The following KLK6 variants were observed in gnomAD, a reference collection of about 807,000 sequenced individuals.
The protein encoded by KLK6 is kallikrein-6.
In KLK6, 16 loss-of-function variants were observed where a neutral mutation model predicts 21.7. That is an observed-to-expected ratio of 0.74 (90% CI 0.50 to 1.12). The LOEUF (loss-of-function observed/expected upper bound fraction) is 1.12, where lower values mean the gene tolerates loss of function less well. Ranked by LOEUF, KLK6 falls within the 50% of genes most tolerant of loss-of-function variation. The probability of loss-of-function intolerance (pLI) is 0.00; values close to 1 mark genes in which losing one functional copy is unlikely to be tolerated. For synonymous variants in KLK6, 116 were observed against 120.1 expected (o/e 0.97, Z 0.22); for missense variants, 276 against 304.6 (o/e 0.91, Z 0.70).
chr19:50,966,979 C>T lies in KLK6; in HGVS notation c.197+190G>A, dbSNP rs368430762. On this transcript the variant is annotated intron_variant, in intron 4 of 6. Coordinates refer to ENST00000310157, the MANE Select transcript of KLK6 (RefSeq NM_002774.4). ...TTTTTTGTTTTCTTTTTTTTATTTT[C>T]TTTTCCACTGCTATGCCCGCAGGGC... Among the ~76,000 whole-genome samples the T allele has an allele frequency of 5.9e-5, 9 of 151,602 alleles. 1 individual carries two copies. Among genetic ancestry groups the T allele is most frequent in the African/African-American group, 2.2e-4 (9 of 41,274 alleles).
intron 4 of KLK6, 150 bp from the exon 5 acceptor site, chr19:50,963,699 T>A: frequency 1.2e-6 from 1 of 816,952 alleles, no homozygotes; most frequent in South Asian, 1.8e-5. Context: ...CAGAATAATC[T>A]TGGGGGCTAT....
chr19:50,969,236 G>A (rs1432184315), intron 1 of KLK6, among the ~76,000 whole-genome samples: 1 of 152,108 alleles, frequency 6.6e-6, no homozygotes, highest in South Asian at 2.1e-4. Context: ...GAGGGAGGAG[G>A]GGCTGGGGCC....
intron 6 of KLK6, among the ~76,000 whole-genome samples, chr19:50,960,804 G>T (rs2090829900): frequency 6.6e-6 from 1 of 151,430 alleles, no homozygotes; most frequent in South Asian, 2.1e-4. Context: ...TTGCTCTGTT[G>T]CCAGGCTGGA....
At position 50,958,845 on chromosome 19, in the gene KLK6, G is replaced by C. The variant is rs894689031; in HGVS notation, c.*319C>G. The C allele has an allele frequency of 3.0e-6, 1 of 330,530 alleles. No individual in the cohort carries two copies. Among genetic ancestry groups the C allele is most frequent in the African/African-American group, 2.1e-5 (1 of 47,646 alleles). 20.5% of individuals were successfully genotyped at this position (330,530 alleles called of 1,614,324 possible). Reference sequence around the variant, plus strand: ...GCAGCGGAGCTGGGATTCCAGACACGTGGCTGGGCCTCTGCAGGAAGAAAT... The same window carrying C: ...GCAGCGGAGCTGGGATTCCAGACACCTGGCTGGGCCTCTGCAGGAAGAAAT... On this transcript the variant is annotated 3_prime_UTR_variant, in exon 7 of 7. Transcript: ENST00000310157.
rs2090758683 is a variant in KLK6 at position 50,958,870 on chromosome 19, T to C, written c.*294A>G. 2.6e-6 allele frequency: 1 copy of C among 385,734 alleles called. No homozygotes were observed. Among genetic ancestry groups the C allele is most frequent in the African/African-American group, 2.0e-5 (1 of 48,900 alleles). The allele number at this position is 385,734 out of a possible 1,614,324, so 23.9% of individuals were successfully genotyped here. ...GTGGCTGGGCCTCTGCAGGAAGAAA[T>C]CAAACGTGTGGAAGGGTTGGGGAGA... On this transcript the variant is annotated 3_prime_UTR_variant, in exon 7 of 7. Transcript: ENST00000310157.
intron 4 of KLK6, among the ~76,000 whole-genome samples, chr19:50,965,558 G>A (rs12975252): frequency 6.6e-6 from 1 of 152,038 alleles, no homozygotes; most frequent in African/African-American, 2.4e-5. Context: ...GATTACAGGC[G>A]TGAGCCACCA....
intron 2 of KLK6, 61 bp from the exon 3 acceptor site, chr19:50,968,173 T>A: frequency 7.0e-7 from 1 of 1,423,252 alleles, no homozygotes; most frequent in Non-Finnish European, 9.9e-7. Flanking sequence ...CATCCCTCTG[T>A]CTGCTCCCTC....
chr19:50,963,074 C>T (rs1254633822), intron 5 of KLK6, among the ~76,000 whole-genome samples: 1 of 152,188 alleles, frequency 6.6e-6, no homozygotes, highest in Admixed American at 6.5e-5. Flanking sequence ...CTCTCCCATG[C>T]TATTCACCCA....
chr19:50,968,093 CA>C lies in KLK6; in HGVS notation c.11del (p.Leu4ArgfsTer5). The part of the protein sequence containing the change: MKK[L>X]MVVLSLIAAA... ...CAGCAATCAGACTCAGCACCACCAT[CA>C]GCTTCTTCATGGCCGCTCCTGAGAG... is the stretch of plus-strand genomic sequence containing the variant. On this transcript the variant is annotated frameshift_variant, in exon 3 of 7. Transcript: ENST00000310157. LOFTEE classifies it high-confidence loss of function. The C allele has an allele frequency of 6.2e-7, 1 of 1,614,090 alleles. No homozygotes were observed. The highest frequency in any genetic ancestry group is 8.5e-7 in the Non-Finnish European group (1 of 1,179,994).
At chr19:50,959,457 G>C (rs1457465919) in intron 6 of KLK6, 141 bp from the exon 7 acceptor site, 2 of 720,134 alleles carry the variant, frequency 2.8e-6, no homozygotes, top group African/African-American at 3.6e-5. Flanking sequence ...GAAAGATGGA[G>C]AGAAAGACTC....
At chr19:50,962,726 GT>G (rs1478783382) in intron 5 of KLK6, 2 of 153,612 alleles carry the variant, frequency 1.3e-5, no homozygotes, top group African/African-American at 4.8e-5. Context: ...TCATCCAATG[GT>G]TCACCTTTCT....
rs576469469 is a variant in KLK6, at chr19:50,958,875, C to T, written c.*289G>A. 3.1e-4 allele frequency: 123 copies of T among 394,710 alleles called. No homozygotes were observed. The Middle Eastern group carries it at 3.4e-3, about 11-fold the overall frequency. 24.5% of individuals were successfully genotyped at this position (394,710 alleles called of 1,614,324 possible). ...TGGGCCTCTGCAGGAAGAAATCAAA[C>T]GTGTGGAAGGGTTGGGGAGAGGAGA... On this transcript the variant is annotated 3_prime_UTR_variant, in exon 7 of 7. Transcript: ENST00000310157.
chr19:50,967,964 C>A, intron 3 of KLK6, 101 bp downstream of exon 3: 1 of 1,087,176 alleles, frequency 9.2e-7, no homozygotes, highest in South Asian at 1.3e-5. Context: ...GCTCCCCCAC[C>A]CCAACCCTGT....
chr19:50,968,184 T>C, intron 2 of KLK6, 72 bp from the exon 3 acceptor site: 3 of 1,353,014 alleles, frequency 2.2e-6, no homozygotes. Flanking sequence ...CTGCTCCCTC[T>C]GCATCCTCTC....
At chr19:50,962,517 C>G (rs557343800) in intron 5 of KLK6, 1 of 153,010 alleles carries the variant, frequency 6.5e-6, no homozygotes, top group South Asian at 2.1e-4. Flanking sequence ...TGGTCCTTTC[C>G]TAACTGGCCC....
intron 5 of KLK6, chr19:50,962,814 C>A: frequency 6.0e-6 from 1 of 167,778 alleles, no homozygotes. Flanking sequence ...CTAGTGACTC[C>A]TCTGGACCAT....
At chr19:50,960,246 G>A (rs1432151809) in intron 6 of KLK6, among the ~76,000 whole-genome samples, 2 of 151,776 alleles carry the variant, frequency 1.3e-5, no homozygotes, top group East Asian at 1.9e-4. Context: ...TCTCCACCTC[G>A]TGTCTTGAGG....
At chr19:50,964,450 T>C (rs2090894964) in intron 4 of KLK6, among the ~76,000 whole-genome samples, 1 of 152,168 alleles carries the variant, frequency 6.6e-6, no homozygotes, top group Non-Finnish European at 1.5e-5. Flanking sequence ...CACTAAATGC[T>C]ACGATGCCAT....
intron 5 of KLK6, 70 bp downstream of exon 5, chr19:50,963,232 A>G (rs569273695): frequency 1.1e-4 from 177 of 1,554,114 alleles, no homozygotes; most frequent in Non-Finnish European, 1.5e-4. Flanking sequence ...CAATTTTCCC[A>G]CTCCCCATCC....
Sources: allele counts gnomAD v4.1 joint callset (sites outside exome capture counted in the v4.1 genomes callset), GRCh38; gene constraint gnomAD v4.1.1; transcripts MANE v1.5; gene names NCBI Gene and HGNC (gene_info 2026-07-23, HGNC 2026-07-21).